Variants in ADGRB3 observed in about 807,000 individuals in gnomAD.
ADGRB3 encodes brain-specific angiogenesis inhibitor 3.
ADGRB3 carries 37 observed loss-of-function variants against 193.4 expected under a neutral mutation model. The observed-to-expected ratio is 0.19, with a 90% confidence interval of 0.15 to 0.25. The LOEUF (loss-of-function observed/expected upper bound fraction) is 0.25, where lower values mean the gene tolerates loss of function less well. Ranked by LOEUF, ADGRB3 falls within the 10% of genes least tolerant of loss-of-function variation. The pLI is 1.00. For synonymous variants in ADGRB3, 690 were observed against 644.2 expected (o/e 1.07, Z -1.08); for missense variants, 1,637 against 1,852.9 (o/e 0.88, Z 2.14).
intron 3 of ADGRB3, among the ~76,000 whole-genome samples, chr6:68,773,048 C>A (rs1183656164): frequency 1.3e-5 from 2 of 150,814 alleles, no homozygotes; most frequent in Non-Finnish European, 1.5e-5. Context: ...CCCAGGAGGT[C>A]GAGGCTGCAG....
At chr6:68,847,800 G>A (rs925187484) in intron 3 of ADGRB3, among the ~76,000 whole-genome samples, 11 of 151,612 alleles carry the variant, frequency 7.3e-5, no homozygotes, top group Admixed American at 5.3e-4. Flanking sequence ...GGAAAGAAGA[G>A]GAAAAGCAAA....
At chr6:68,975,150 A>G (rs1582363723) in intron 9 of ADGRB3, 84 bp from the exon 10 acceptor site, 2 of 1,129,310 alleles carry the variant, frequency 1.8e-6, no homozygotes, top group African/African-American at 1.6e-5. Context: ...GTACAAACTT[A>G]ATTTTTAGCC....
At chr6:68,813,114 T>A (rs1767551081) in intron 3 of ADGRB3, among the ~76,000 whole-genome samples, 1 of 152,174 alleles carries the variant, frequency 6.6e-6, no homozygotes, top group Non-Finnish European at 1.5e-5. Flanking sequence ...GGGGCCTGTC[T>A]TTCCCATGCT....
chr6:68,757,351 G>C (rs10484792), intron 3 of ADGRB3, among the ~76,000 whole-genome samples: 14,726 of 152,168 alleles, frequency 0.097, 886 homozygotes, highest in Middle Eastern at 0.15. Flanking sequence ...TTTGAAACGA[G>C]ATTGATTTAA....
chr6:68,987,052 T>G (rs1443090912), intron 10 of ADGRB3, among the ~76,000 whole-genome samples: 7 of 152,136 alleles, frequency 4.6e-5, no homozygotes, highest in Admixed American at 2.6e-4. Context: ...CTTTCACTGT[T>G]GATCTTCTCA....
chr6:69,031,519 C>CTTTCTTTCTTTCTTTCTT (rs1554248703), intron 13 of ADGRB3, among the ~76,000 whole-genome samples: 1 of 21,270 alleles, frequency 4.7e-5, no homozygotes, highest in South Asian at 2.6e-3. Context: ...TTTGAGTTGT[C>CTTTCTTTCTTTCTTTCTT]TCTTTCTTTC....
At chr6:69,051,946 G>C (rs985580941) in intron 15 of ADGRB3, among the ~76,000 whole-genome samples, 10 of 152,132 alleles carry the variant, frequency 6.6e-5, no homozygotes, top group Non-Finnish European at 1.5e-4. Context: ...CCAGGCTGGA[G>C]TGCAGTGGCG....
intron 16 of ADGRB3, among the ~76,000 whole-genome samples, chr6:69,063,593 G>C (rs983374765): frequency 6.6e-6 from 1 of 152,028 alleles, no homozygotes; most frequent in Admixed American, 6.6e-5. Flanking sequence ...TTCAGAGGAA[G>C]GGGGTGCTGG....
chr6:69,029,842 G>T (rs1033392497), intron 13 of ADGRB3, among the ~76,000 whole-genome samples: 3 of 151,750 alleles, frequency 2.0e-5, no homozygotes, highest in East Asian at 1.9e-4. Flanking sequence ...TTAACACATA[G>T]AACTTAAACA....
chr6:69,359,051 T>G (rs16900663), intron 28 of ADGRB3, among the ~76,000 whole-genome samples: 26,137 of 151,534 alleles, frequency 0.17, 2,681 homozygotes, highest in African/African-American at 0.28. Context: ...AATTATAGAG[T>G]CAATACACAG....
At chr6:68,986,397 A>G (rs1157535169) in intron 10 of ADGRB3, among the ~76,000 whole-genome samples, 1 of 152,184 alleles carries the variant, frequency 6.6e-6, no homozygotes, top group Non-Finnish European at 1.5e-5. Context: ...AATCTGCCCT[A>G]TCATATCGTC....
chr6:68,789,280 C>T (rs900823464), intron 3 of ADGRB3, among the ~76,000 whole-genome samples: 3 of 152,204 alleles, frequency 2.0e-5, no homozygotes, highest in African/African-American at 7.2e-5. Flanking sequence ...CATGTTTTTG[C>T]AGTGGCTGGT....
At chr6:68,793,207 G>T (rs6918766) in intron 3 of ADGRB3, among the ~76,000 whole-genome samples, 5,724 of 151,978 alleles carry the variant, frequency 0.038, 348 homozygotes, top group African/African-American at 0.13. Flanking sequence ...TGCATCTCAG[G>T]GTTACGCTGG....
chr6:69,321,249 C>G (rs909690223), intron 20 of ADGRB3, among the ~76,000 whole-genome samples: 5 of 151,722 alleles, frequency 3.3e-5, no homozygotes, highest in African/African-American at 1.2e-4. Flanking sequence ...AAACAGTGCT[C>G]AGTTTGACAA....
At chr6:69,357,447 A>G (rs955765139) in intron 28 of ADGRB3, among the ~76,000 whole-genome samples, 8 of 152,026 alleles carry the variant, frequency 5.3e-5, no homozygotes, top group Non-Finnish European at 1.0e-4. Context: ...TTTGGTGACT[A>G]AAAGTTTTAT....
chr6:68,860,535 C>T (rs989379361), intron 3 of ADGRB3, among the ~76,000 whole-genome samples: 1 of 152,202 alleles, frequency 6.6e-6, no homozygotes, highest in Non-Finnish European at 1.5e-5. Context: ...TGGCCTCCCA[C>T]TCCATCCATG....
rs989463169 is a variant in ADGRB3 at position 68,683,161 on chromosome 6, A to G, written c.757+43729A>G. Among the ~76,000 whole-genome samples the G allele has an allele frequency of 9.8e-5, 15 of 152,308 alleles. 1 individual carries two copies. Among genetic ancestry groups the G allele is most frequent in the South Asian group, 6.2e-4 (3 of 4,824 alleles). On this transcript the variant is annotated intron_variant, in intron 3 of 31. Transcript: ENST00000370598. The stretch of plus-strand genomic sequence containing the variant: ...TGATATTGGTTAGATTAATATACAC[A>G]TTGCTGGAAACATGTAAAGTTGGGT...
intron 3 of ADGRB3, among the ~76,000 whole-genome samples, chr6:68,686,600 G>A (rs771676412): frequency 1.4e-4 from 21 of 152,106 alleles, no homozygotes; most frequent in Admixed American, 2.0e-4. Context: ...ACACATCAGT[G>A]GAGTTTGCTC....
intron 26 of ADGRB3, 83 bp downstream of exon 26, chr6:69,339,587 A>G (rs954154925): frequency 1.5e-5 from 22 of 1,450,052 alleles, no homozygotes; most frequent in Non-Finnish European, 2.1e-5. Context: ...TAATATCTTG[A>G]TGTTCAGATT....
Sources: gnomAD v4.1 joint callset for allele counts (sites outside exome capture counted in the v4.1 genomes callset) on GRCh38, gnomAD v4.1.1 for gene constraint, MANE v1.5 for transcripts, NCBI Gene and HGNC (gene_info 2026-07-23, HGNC 2026-07-21) for gene names.